The following SEMA3E variants were observed in gnomAD, a reference collection of about 807,000 sequenced individuals.
SEMA3E encodes semaphorin 3E, also known as semaphorin-3E.
In SEMA3E, 49 loss-of-function variants were observed where a neutral mutation model predicts 93.6. The ratio of observed to expected loss-of-function variants is 0.52; its 90% CI spans 0.42 to 0.66. The LOEUF (loss-of-function observed/expected upper bound fraction) is 0.66. Ranked by LOEUF, SEMA3E falls within the 30% of genes least tolerant of loss-of-function variation. The pLI is 0.00. For synonymous variants in SEMA3E, 363 were observed against 330.7 expected (o/e 1.10, Z -1.06); for missense variants, 906 against 964.8 (o/e 0.94, Z 0.81).
intron 2 of SEMA3E, among the ~76,000 whole-genome samples, chr7:83,477,040 C>A (rs1440556011): frequency 1.3e-5 from 2 of 152,050 alleles, no homozygotes; most frequent in Admixed American, 6.6e-5. Flanking sequence ...CCTACTGAGT[C>A]ACATAATTAT....
At chr7:83,582,676 G>A (rs572081056) in intron 1 of SEMA3E, among the ~76,000 whole-genome samples, 13 of 152,124 alleles carry the variant, frequency 8.5e-5, no homozygotes, top group South Asian at 6.2e-4. Flanking sequence ...GGCAGATGCC[G>A]GAGGAATTAA....
intron 1 of SEMA3E, among the ~76,000 whole-genome samples, chr7:83,550,061 G>T (rs926574406): frequency 7.4e-6 from 1 of 134,904 alleles, no homozygotes; most frequent in African/African-American, 3.1e-5. Context: ...GCCATTTGAG[G>T]TTACACAAAT....
At chr7:83,404,008 C>T (rs973656417) in intron 9 of SEMA3E, among the ~76,000 whole-genome samples, 1 of 151,826 alleles carries the variant, frequency 6.6e-6, no homozygotes. Flanking sequence ...AGGAAAATAG[C>T]TTATAATCTG....
chr7:83,634,924 G>T (rs1261108831), intron 1 of SEMA3E, among the ~76,000 whole-genome samples: 1 of 151,882 alleles, frequency 6.6e-6, no homozygotes, highest in East Asian at 1.9e-4. Context: ...TATAACATTT[G>T]ACTTTGAAAA....
At chr7:83,483,945 G>A (rs1790199728) in intron 2 of SEMA3E, among the ~76,000 whole-genome samples, 1 of 152,142 alleles carries the variant, frequency 6.6e-6, no homozygotes, top group African/African-American at 2.4e-5. Context: ...CCCACTTCCA[G>A]GTCAACAGTG....
intron 2 of SEMA3E, among the ~76,000 whole-genome samples, chr7:83,470,794 C>T (rs961341938): frequency 2.0e-5 from 3 of 151,292 alleles, no homozygotes; most frequent in African/African-American, 7.3e-5. Context: ...CTCAATAGTC[C>T]TATGCACACA....
chr7:83,503,288 T>G (rs183749775), intron 1 of SEMA3E, among the ~76,000 whole-genome samples: 16 of 152,114 alleles, frequency 1.1e-4, no homozygotes, highest in Non-Finnish European at 2.2e-4. Flanking sequence ...TCCATTCCCA[T>G]CTCAGATTGC....
intron 4 of SEMA3E, among the ~76,000 whole-genome samples, chr7:83,457,169 G>A (rs925327128): frequency 2.6e-5 from 4 of 152,086 alleles, no homozygotes; most frequent in Admixed American, 1.3e-4. Flanking sequence ...CACTTTTCAA[G>A]TTATTTTGGG....
chr7:83,489,838 G>T (rs1336387697), intron 2 of SEMA3E, among the ~76,000 whole-genome samples: 1 of 152,090 alleles, frequency 6.6e-6, no homozygotes, highest in East Asian at 1.9e-4. Context: ...CAGGACATTG[G>T]GTGTGGTGAC....
intron 2 of SEMA3E, among the ~76,000 whole-genome samples, chr7:83,481,238 A>C (rs986927083): frequency 6.6e-6 from 1 of 152,162 alleles, no homozygotes; most frequent in Non-Finnish European, 1.5e-5. Flanking sequence ...TTCTATCCAT[A>C]CAAGATCCTG....
chr7:83,521,384 A>G (rs1344018793), intron 1 of SEMA3E, among the ~76,000 whole-genome samples: 1 of 152,110 alleles, frequency 6.6e-6, no homozygotes, highest in Non-Finnish European at 1.5e-5. Context: ...TACATATAGG[A>G]TGGCTCAGAA....
chr7:83,440,041 A>G (rs1789081342), intron 4 of SEMA3E, among the ~76,000 whole-genome samples: 1 of 152,322 alleles, frequency 6.6e-6, no homozygotes, highest in Admixed American at 6.5e-5. Flanking sequence ...GGTCCTGCAA[A>G]CAATTTCTGC....
At chr7:83,557,792 C>A (rs953011179) in intron 1 of SEMA3E, among the ~76,000 whole-genome samples, 1 of 152,142 alleles carries the variant, frequency 6.6e-6, no homozygotes, top group Non-Finnish European at 1.5e-5. Context: ...GCTCAATGTG[C>A]ATCCCTCTAA....
intron 1 of SEMA3E, among the ~76,000 whole-genome samples, chr7:83,502,538 C>G (rs1285708199): frequency 6.6e-6 from 1 of 152,146 alleles, no homozygotes. Context: ...CTCCTCTCAT[C>G]TGGATCTTCA....
chr7:83,467,974 G>C (rs182831439), intron 3 of SEMA3E, among the ~76,000 whole-genome samples: 1 of 152,144 alleles, frequency 6.6e-6, no homozygotes, highest in Non-Finnish European at 1.5e-5. Flanking sequence ...GACAAATTAG[G>C]TGTTGCCATT....
intron 1 of SEMA3E, among the ~76,000 whole-genome samples, chr7:83,624,411 A>T (rs1793627280): frequency 6.6e-6 from 1 of 152,042 alleles, no homozygotes; most frequent in African/African-American, 2.4e-5. Context: ...TTTAATGATC[A>T]TCATTTTAAT....
At chr7:83,515,598 A>G (rs1461341812) in intron 1 of SEMA3E, among the ~76,000 whole-genome samples, 4 of 152,194 alleles carry the variant, frequency 2.6e-5, no homozygotes, top group Non-Finnish European at 4.4e-5. Context: ...CTTAATCCTT[A>G]GAGTTTACTA....
intron 1 of SEMA3E, among the ~76,000 whole-genome samples, chr7:83,544,953 G>A (rs1791614732): frequency 1.3e-5 from 2 of 151,734 alleles, no homozygotes; most frequent in South Asian, 2.1e-4. Context: ...CAATTCACAG[G>A]GATAATTAAA....
intron 16 of SEMA3E, among the ~76,000 whole-genome samples, chr7:83,378,541 T>C (rs1787708039): frequency 6.6e-6 from 1 of 151,974 alleles, no homozygotes; most frequent in Non-Finnish European, 1.5e-5. Flanking sequence ...TAGCAGTTTC[T>C]GGTTCAACAG....
Sources: gnomAD v4.1 joint callset for allele counts (sites outside exome capture counted in the v4.1 genomes callset) on GRCh38, gnomAD v4.1.1 for gene constraint, MANE v1.5 for transcripts, NCBI Gene and HGNC (gene_info 2026-07-23, HGNC 2026-07-21) for gene names.